Variants in KLF8 observed in about 807,000 individuals in gnomAD.
The protein encoded by KLF8 is Krueppel-like factor 8.
In KLF8, 10 loss-of-function variants were observed where a neutral mutation model predicts 18.2. The ratio of observed to expected loss-of-function variants is 0.55; its 90% CI spans 0.34 to 0.93. The LOEUF (loss-of-function observed/expected upper bound fraction) is 0.93. Among genes scored for constraint, KLF8 ranks in the 40% least tolerant of loss-of-function variants. KLF8 has a pLI of 0.02. For synonymous variants in KLF8, 109 were observed against 97.3 expected (o/e 1.12, Z -0.71); for missense variants, 264 against 277.9 (o/e 0.95, Z 0.36).
At chrX:56,039,124 G>A in the KLF8 span, among the ~76,000 whole-genome samples, 2 of 111,720 alleles carry the variant, frequency 1.8e-5, no homozygotes, top group African/African-American at 6.5e-5. Context: ...TTGTCAGAGG[G>A]ATACATTGCA....
At chrX:56,221,164 C>T in the KLF8 span, among the ~76,000 whole-genome samples, 1 of 111,822 alleles carries the variant, frequency 8.9e-6, no homozygotes, top group Non-Finnish European at 1.9e-5. Context: ...ATAATACTGG[C>T]TGGAATCATC....
At chrX:56,056,544 C>A in the KLF8 span, among the ~76,000 whole-genome samples, 1 of 99,695 alleles carries the variant, frequency 1.0e-5, no homozygotes, top group African/African-American at 3.7e-5. Flanking sequence ...TAAACTATTG[C>A]AAGAACAAAA....
At chrX:56,146,343 A>C in the KLF8 span, among the ~76,000 whole-genome samples, 1 of 112,370 alleles carries the variant, frequency 8.9e-6, no homozygotes, top group Non-Finnish European at 1.9e-5. Flanking sequence ...CTGGATAAAG[A>C]AAGTGCAGCA....
At chrX:55,942,676 G>A in the KLF8 span, among the ~76,000 whole-genome samples, 7 of 111,445 alleles carry the variant, frequency 6.3e-5, no homozygotes, top group African/African-American at 2.3e-4. Context: ...GGTTGCATAG[G>A]GAAGTTTTTA....
chrX:56,049,167 C>T, the KLF8 span, among the ~76,000 whole-genome samples: 4 of 111,506 alleles, frequency 3.6e-5, no homozygotes, highest in Non-Finnish European at 7.5e-5. Context: ...AGATTTTGGG[C>T]TGAGACGATG....
the KLF8 span, among the ~76,000 whole-genome samples, chrX:56,002,926 C>A: frequency 1.8e-4 from 20 of 112,032 alleles, no homozygotes; most frequent in African/African-American, 6.5e-4. Flanking sequence ...ACAAAAGGAA[C>A]AATGTATCTG....
At chrX:55,965,219 T>A in the KLF8 span, among the ~76,000 whole-genome samples, 11 of 112,344 alleles carry the variant, frequency 9.8e-5, no homozygotes, top group Non-Finnish European at 1.9e-4. Flanking sequence ...ATTCCTGGCA[T>A]GCAAACTTGG....
chrX:56,053,169 G>A, the KLF8 span, among the ~76,000 whole-genome samples: 1 of 112,173 alleles, frequency 8.9e-6, no homozygotes, highest in Non-Finnish European at 1.9e-5. Context: ...CCACTGTCTG[G>A]CACTCCCTAG....
At chrX:56,228,746 G>T (rs1158297605), upstream of KLF8, among the ~76,000 whole-genome samples, 1 of 111,707 alleles carries the variant, frequency 9.0e-6, no homozygotes, top group Non-Finnish European at 1.9e-5. Flanking sequence ...AGGGGCAAAA[G>T]GTCTCCTTCT....
chrX:56,079,686 CTGGGTA>C, the KLF8 span, among the ~76,000 whole-genome samples: 1 of 111,185 alleles, frequency 9.0e-6, no homozygotes, highest in African/African-American at 3.3e-5. Context: ...AGTTCAATTC[CTGGGTA>C]TGGGTATCCT....
At chrX:56,128,278 G>A in the KLF8 span, among the ~76,000 whole-genome samples, 1 of 111,885 alleles carries the variant, frequency 8.9e-6, no homozygotes, top group South Asian at 3.7e-4. Flanking sequence ...AACTCATGAT[G>A]GTTTTGAAAA....
the KLF8 span, among the ~76,000 whole-genome samples, chrX:56,183,631 T>A: frequency 9.0e-6 from 1 of 110,853 alleles, no homozygotes; most frequent in Non-Finnish European, 1.9e-5. Context: ...GGCCTCATGG[T>A]AACCTCAAGT....
At chrX:56,136,418 G>T in the KLF8 span, among the ~76,000 whole-genome samples, 1 of 110,723 alleles carries the variant, frequency 9.0e-6, no homozygotes, top group Non-Finnish European at 1.9e-5. Flanking sequence ...ATAGATCAAT[G>T]GAACAGAACA....
chrX:56,063,623 A>G, the KLF8 span, among the ~76,000 whole-genome samples: 12 of 111,395 alleles, frequency 1.1e-4, no homozygotes, highest in African/African-American at 3.9e-4. Flanking sequence ...CAGTCAGGAG[A>G]CATGGGCGTC....
the KLF8 span, among the ~76,000 whole-genome samples, chrX:56,154,829 A>G: frequency 8.9e-6 from 1 of 112,382 alleles, no homozygotes; most frequent in Non-Finnish European, 1.9e-5. Context: ...GAAGACATTT[A>G]TGCAGCCAAA....
the KLF8 span, among the ~76,000 whole-genome samples, chrX:55,960,589 A>G: frequency 6.2e-5 from 3 of 48,709 alleles, no homozygotes; most frequent in Non-Finnish European, 1.2e-4. Flanking sequence ...GGAGGAGGAG[A>G]AGAAGGAGAA....
At chrX:56,047,804 T>C in the KLF8 span, among the ~76,000 whole-genome samples, 1 of 111,502 alleles carries the variant, frequency 9.0e-6, no homozygotes, top group South Asian at 3.8e-4. Context: ...CTGGGTCAAA[T>C]GATATTTCTA....
chrX:56,183,623 C>A, the KLF8 span, among the ~76,000 whole-genome samples: 2 of 110,699 alleles, frequency 1.8e-5, no homozygotes, highest in Non-Finnish European at 3.8e-5. Flanking sequence ...TATTTACAGG[C>A]CTCATGGTAA....
chrX:56,027,667 T>G, the KLF8 span, among the ~76,000 whole-genome samples: 4 of 112,034 alleles, frequency 3.6e-5, no homozygotes, highest in African/African-American at 1.3e-4. Context: ...CCTTGTGGGT[T>G]GATGAAGCTG....
Sources: allele counts gnomAD v4.1 joint callset (sites outside exome capture counted in the v4.1 genomes callset), GRCh38; gene constraint gnomAD v4.1.1; transcripts MANE v1.5; gene names NCBI Gene and HGNC (gene_info 2026-07-23, HGNC 2026-07-21).